Variants in GBP7 observed in about 807,000 individuals in gnomAD.
GBP7 encodes guanylate-binding protein 7.
Under a neutral mutation model 61.3 loss-of-function variants are expected in GBP7, and 43 were observed. That is an observed-to-expected ratio of 0.70 (90% CI 0.55 to 0.91). The LOEUF (loss-of-function observed/expected upper bound fraction) is 0.91. GBP7 is among the 40% of genes least tolerant of loss of function. GBP7 has a pLI of 0.00. For missense variants in GBP7, 717 were observed against 740.5 expected (o/e 0.97, Z 0.37); for synonymous variants, 267 against 271.0 (o/e 0.99, Z 0.14).
chr1:89,143,367 A>G (rs1681995774), intron 8 of GBP7, among the ~76,000 whole-genome samples: 1 of 152,222 alleles, frequency 6.6e-6, no homozygotes, highest in Non-Finnish European at 1.5e-5. Context: ...GTAAAAAATC[A>G]TACTCAGATT....
intron 3 of GBP7, among the ~76,000 whole-genome samples, chr1:89,163,680 A>G (rs1465185720): frequency 1.3e-5 from 2 of 152,164 alleles, no homozygotes; most frequent in African/African-American, 2.4e-5. Flanking sequence ...TGCACTTAAT[A>G]CTATAAAGCA....
rs780020759 is a variant in GBP7, at chr1:89,171,949, C to G, written c.-14G>C. 1.2e-6 allele frequency: 2 copies of G among 1,603,802 alleles called. No individual in the cohort carries two copies. Among genetic ancestry groups the G allele is most frequent in the South Asian group, 2.2e-5 (2 of 90,420 alleles). On this transcript the variant is annotated 5_prime_UTR_variant, in exon 2 of 11. Transcript: ENST00000294671. ...CTCTGATGCCATGTTCAGGGCGTTC[C>G]TCTGTCTGCAAGGAAAAAATGAAAT...
intron 10 of GBP7, among the ~76,000 whole-genome samples, chr1:89,132,989 C>G (rs943733457): frequency 6.6e-6 from 1 of 152,130 alleles, no homozygotes; most frequent in African/African-American, 2.4e-5. Flanking sequence ...TTAATTGGGG[C>G]ACAGTGAGAC....
At chr1:89,173,385 T>G (rs1389853000) in intron 1 of GBP7, among the ~76,000 whole-genome samples, 1 of 152,224 alleles carries the variant, frequency 6.6e-6, no homozygotes, top group East Asian at 1.9e-4. Flanking sequence ...CCAACACATC[T>G]GAGCTTATTC....
intron 3 of GBP7, among the ~76,000 whole-genome samples, chr1:89,163,335 A>C (rs1403484325): frequency 6.6e-6 from 1 of 151,260 alleles, no homozygotes; most frequent in Non-Finnish European, 1.5e-5. Context: ...TTCAGTAGGA[A>C]TGCTACCAGC....
chr1:89,158,544 C>G (rs963180411), intron 3 of GBP7, among the ~76,000 whole-genome samples: 1 of 152,164 alleles, frequency 6.6e-6, no homozygotes, highest in Admixed American at 6.5e-5. Flanking sequence ...ACAAAAATCA[C>G]AAGCATTCTT....
rs751494980 is a variant in GBP7, at chr1:89,149,289, T to C, written c.1152+3A>G. On this transcript the variant is annotated splice_donor_region_variant and intron_variant, in intron 7 of 10. Coordinates refer to ENST00000294671, the MANE Select transcript of GBP7 (RefSeq NM_207398.3). Reference sequence around the variant, plus strand: ...CAAGAAAAAAAAAAATAACAAAGATTACCACAAGCTTCTTCTGAAATTCCT... The same window carrying C: ...CAAGAAAAAAAAAAATAACAAAGATCACCACAAGCTTCTTCTGAAATTCCT... The C allele has an allele frequency of 2.1e-5, 34 of 1,587,348 alleles. No individual in the cohort carries two copies. Among genetic ancestry groups the C allele is most frequent in the Non-Finnish European group, 2.5e-5 (29 of 1,166,120 alleles).
intron 8 of GBP7, 24 bp downstream of exon 8, chr1:89,147,543 T>TC (rs756353374): frequency 1.4e-5 from 22 of 1,571,438 alleles, no homozygotes; most frequent in Non-Finnish European, 1.7e-5. Flanking sequence ...CTGTCATCCA[T>TC]CCCCTTCTCC....
intron 8 of GBP7, among the ~76,000 whole-genome samples, chr1:89,143,041 A>G (rs559207186): frequency 2.0e-5 from 3 of 152,332 alleles, no homozygotes; most frequent in South Asian, 2.1e-4. Flanking sequence ...GTGAATGTAT[A>G]TATCTAGGAA....
chr1:89,169,558 C>T (rs1247523900), intron 2 of GBP7, among the ~76,000 whole-genome samples: 1 of 152,204 alleles, frequency 6.6e-6, no homozygotes, highest in East Asian at 1.9e-4. Flanking sequence ...TATTTATCTA[C>T]AACCTGGACT....
At chr1:89,151,798 G>T (rs1212730716) in intron 5 of GBP7, among the ~76,000 whole-genome samples, 1 of 151,810 alleles carries the variant, frequency 6.6e-6, no homozygotes, top group Non-Finnish European at 1.5e-5. Flanking sequence ...TTTCTCTAAA[G>T]GTTATAAGTA....
Position 89,164,840 on chromosome 1 carries a change from G to T in GBP7, c.209C>A (p.Thr70Lys). The change falls in exon 3 of 11, where the codon ACA becomes AAA. Residue 70 changes from threonine to lysine, a missense_variant. Coordinates refer to ENST00000294671, the MANE Select transcript of GBP7 (RefSeq NM_207398.3). ...GATGCCTTTGGTTTCAGACTTCACT[G>T]TGCAGCCCAGAGGGAAGCCTTCAAG... is the stretch of plus-strand genomic sequence containing the variant. Reference protein sequence around the residue: ...GKNKGFPLGCTVKSETKGIWM... With the variant: ...GKNKGFPLGCKVKSETKGIWM... 1 of 1,613,816 alleles carries T rather than the reference G, an allele frequency of 6.2e-7. No homozygotes were observed. Among genetic ancestry groups the T allele is most frequent in the Non-Finnish European group, 8.5e-7 (1 of 1,179,836 alleles).
chr1:89,161,256 T>A (rs1318898766), intron 3 of GBP7, among the ~76,000 whole-genome samples: 1 of 152,214 alleles, frequency 6.6e-6, no homozygotes, highest in African/African-American at 2.4e-5. Flanking sequence ...ATCTTTATAA[T>A]AGAACAATTT....
intron 9 of GBP7, among the ~76,000 whole-genome samples, chr1:89,138,299 TAAA>T: frequency 6.6e-6 from 1 of 151,840 alleles, no homozygotes; most frequent in Non-Finnish European, 1.5e-5. Flanking sequence ...ATAGAATTAG[TAAA>T]AACTATTCTA....
Position 89,150,413 on chromosome 1 carries a change from A to C in GBP7, c.788T>G (p.Met263Arg). 6.2e-7 allele frequency: 1 copy of C among 1,614,002 alleles called. No homozygotes were observed. Among genetic ancestry groups the C allele is most frequent in the Non-Finnish European group, 8.5e-7 (1 of 1,179,868 alleles). Residue 263 changes from methionine to arginine, a missense_variant, in exon 6 of 11, where the codon ATG becomes AGG. Physicochemically the swap from Met to Arg is moderately conservative, Grantham distance 91 (BLOSUM62 -1). Around this residue, in one of 3 missense-constraint regions of GBP7, gnomAD observed 387 missense variants for 385.2 expected, o/e 1.00. Coordinates refer to ENST00000294671, the MANE Select transcript of GBP7 (RefSeq NM_207398.3). Reference sequence around the variant, plus strand: ...ATAAGAACAGAAATTTTCTGATTGCATCTGGAAATTACTATCCAGTTGGTC... The same window carrying C: ...ATAAGAACAGAAATTTTCTGATTGCCTCTGGAAATTACTATCCAGTTGGTC... ...REDQLDSNFQ[M>R]QSENFCSYIF...
In GBP7 at chr1:89,153,865, C is replaced by T. The variant is rs377528324; in HGVS notation, c.319-1088G>A. Among the ~76,000 whole-genome samples the T allele has an allele frequency of 3.9e-5, 6 of 152,116 alleles. No homozygotes were observed. The East Asian group carries it at 5.8e-4, about 15-fold the overall frequency. ...TGGCAGTAGGTTGAAACGAGCTGGA[C>T]GTTAAGGAGTACATAAAATCAGGAC... On this transcript the variant is annotated intron_variant, in intron 3 of 10. Transcript: ENST00000294671.
intron 7 of GBP7, among the ~76,000 whole-genome samples, chr1:89,148,073 C>T (rs866177456): frequency 9.2e-5 from 14 of 152,196 alleles, no homozygotes; most frequent in South Asian, 2.1e-4. Context: ...TTAGAGAACA[C>T]AGATTGCTAT....
chr1:89,171,996 C>T, intron 1 of GBP7, 42 bp from the exon 2 acceptor site: 1 of 1,376,976 alleles, frequency 7.3e-7, no homozygotes, highest in Non-Finnish European at 1.0e-6. Context: ...TCTGGTAAGT[C>T]AGTTGAGCTG....
chr1:89,169,504 T>C (rs941728136), intron 2 of GBP7, among the ~76,000 whole-genome samples: 1 of 152,230 alleles, frequency 6.6e-6, no homozygotes, highest in Admixed American at 6.5e-5. Context: ...ATAGTTCATC[T>C]GTCATTAGAT....
Sources: gnomAD v4.1 joint callset for allele counts (sites outside exome capture counted in the v4.1 genomes callset) on GRCh38, gnomAD v4.1.1 for gene constraint, gnomAD v4.1.1 regional missense constraint, MANE v1.5 for transcripts, NCBI Gene and HGNC (gene_info 2026-07-23, HGNC 2026-07-21) for gene names.